The following CAPRIN2 variants were observed in gnomAD, a reference collection of about 807,000 sequenced individuals.
CAPRIN2 encodes caprin family member 2, also known as caprin-2.
Under a neutral mutation model 130.4 loss-of-function variants are expected in CAPRIN2, and 66 were observed. The observed-to-expected ratio is 0.51, with a 90% CI of 0.42 to 0.62. The LOEUF is 0.62. Ranked by LOEUF, CAPRIN2 falls within the 20% of genes least tolerant of loss-of-function variation. The probability of loss-of-function intolerance (pLI) is 0.00; values close to 1 mark genes in which losing one functional copy is unlikely to be tolerated. For missense variants in CAPRIN2, 1,185 were observed against 1,246.6 expected (o/e 0.95, Z 0.74); for synonymous variants, 471 against 444.1 (o/e 1.06, Z -0.76).
At chr12:30,725,014 G>A (rs1010151063) in intron 9 of CAPRIN2, among the ~76,000 whole-genome samples, 1 of 151,954 alleles carries the variant, frequency 6.6e-6, no homozygotes, top group African/African-American at 2.4e-5. Flanking sequence ...CAAAACAAAA[G>A]CCTACAATAC....
chr12:30,718,976 CA>C (rs2058517407), intron 12 of CAPRIN2, 102 bp downstream of exon 14: 1 of 1,354,650 alleles, frequency 7.4e-7, no homozygotes, highest in African/African-American at 1.5e-5. Context: ...ATAAATTTTA[CA>C]AAAGGCAAAC....
At chr12:30,712,861 C>T (rs1409970669) in intron 15 of CAPRIN2, among the ~76,000 whole-genome samples, 1 of 151,390 alleles carries the variant, frequency 6.6e-6, no homozygotes, top group Admixed American at 6.6e-5. Context: ...CCTGCCTCAG[C>T]CTCCTGAGTA....
chr12:30,729,130 T>C (rs772237647), exon 8 of CAPRIN2: 2 of 1,614,088 alleles, frequency 1.2e-6, no homozygotes, highest in South Asian at 2.2e-5. Flanking sequence ...ACTGCAGGCT[T>C]GGATACCTCC....
intron 4 of CAPRIN2, among the ~76,000 whole-genome samples, chr12:30,734,265 G>A (rs1715686660): frequency 1.3e-5 from 2 of 152,150 alleles, no homozygotes. Flanking sequence ...TTTCTGATCA[G>A]AGACTGATTT....
rs778719175 is a variant in CAPRIN2 at position 30,711,657 on chromosome 12, G to A, written c.2602-28C>T. 4 of 1,582,778 alleles carry A rather than the reference G, an allele frequency of 2.5e-6. No homozygotes were observed. The South Asian group carries it at 3.3e-5, about 13-fold the overall frequency. ...AAAGTGAACATATAATATTTACCTT[G>A]GCATCAAAAATGCAGGACTATAATT... On this transcript the variant is annotated intron_variant, in intron 15 of 16. Transcript: ENST00000298892.
chr12:30,725,957 G>T lies in CAPRIN2; in HGVS notation c.1905+9C>A. ...GAATATCATTTAAGATTTTGTAAATGACTCATACTTGCATAAAGTTACAAG... is the reference window on the plus strand; with the variant it reads ...GAATATCATTTAAGATTTTGTAAATTACTCATACTTGCATAAAGTTACAAG... On this transcript the variant is annotated intron_variant, in intron 9 of 16. Transcript: ENST00000298892. 1.3e-6 allele frequency: 2 copies of T among 1,552,394 alleles called. No individual in the cohort carries two copies. Among genetic ancestry groups the T allele is most frequent in the South Asian group, 2.5e-5 (2 of 80,942 alleles).
chr12:30,739,928 A>G (rs564761005), intron 3 of CAPRIN2, among the ~76,000 whole-genome samples: 1 of 152,316 alleles, frequency 6.6e-6, no homozygotes, highest in East Asian at 1.9e-4. Context: ...TGAATGAAAA[A>G]CTAAATTGTT....
In CAPRIN2 at chr12:30,734,962, G is replaced by C. The variant is rs370519059; in HGVS notation, c.809+6C>G. Reference sequence around the variant, plus strand: ...TCATTTCAGGAAAATCTTTTCATTAGCTTACCTCAGACTTTCATTTCTTTC... The same window carrying C: ...TCATTTCAGGAAAATCTTTTCATTACCTTACCTCAGACTTTCATTTCTTTC... On this transcript the variant is annotated splice_donor_region_variant and intron_variant, in intron 4 of 16. Coordinates refer to ENST00000298892, the Ensembl canonical transcript of CAPRIN2. 2.3e-5 allele frequency: 37 copies of C among 1,592,516 alleles called. No individual in the cohort carries two copies. The highest frequency in any genetic ancestry group is 2.9e-5 in the Non-Finnish European group (34 of 1,161,214).
At chr12:30,711,722 T>A (rs757367004) in intron 15 of CAPRIN2, 93 bp from the exon 18 acceptor site, 2 of 1,000,278 alleles carry the variant, frequency 2.0e-6, no homozygotes, top group South Asian at 2.6e-5. Flanking sequence ...ATAAGATTAG[T>A]CCCCTTAGTT....
intron 13 of CAPRIN2, 76 bp downstream of exon 15, chr12:30,716,432 C>T (rs930544022): frequency 1.5e-6 from 2 of 1,336,130 alleles, no homozygotes; most frequent in African/African-American, 2.9e-5. Flanking sequence ...AGTGTCACTA[C>T]AGACTTCCTA....
rs142126289 is a variant in CAPRIN2 at position 30,725,202 on chromosome 12, G to A, written c.1906-751C>T. Among the ~76,000 whole-genome samples, 1,067 of 152,146 alleles carry A rather than the reference G, an allele frequency of 7.0e-3. 7 individuals are homozygous for A. The highest frequency in any genetic ancestry group is 8.8e-3 in the Non-Finnish European group (599 of 68,002). The stretch of plus-strand genomic sequence containing the variant: ...AAACATTTTCAAGATGAGAAATCAC[G>A]CTCTTGTATCTGCCTATCTCGGTTC... On this transcript the variant is annotated intron_variant, in intron 9 of 16. Coordinates refer to ENST00000298892, the Ensembl canonical transcript of CAPRIN2.
intron 5 of CAPRIN2, 146 bp from the exon 7 acceptor site, chr12:30,731,656 C>T (rs1036471602): frequency 9.3e-6 from 6 of 642,214 alleles, no homozygotes; most frequent in Non-Finnish European, 1.6e-5. Context: ...TAGTTTACAA[C>T]AGTTTACACT....
intron 13 of CAPRIN2, chr12:30,715,343 A>C (rs1158635844): frequency 4.7e-6 from 3 of 642,336 alleles, no homozygotes; most frequent in Non-Finnish European, 8.4e-6. Flanking sequence ...CAGCCTAAAA[A>C]AGGAAGAAAA....
At chr12:30,711,740 T>C (rs1473486656) in intron 15 of CAPRIN2, 111 bp from the exon 18 acceptor site, 2 of 862,980 alleles carry the variant, frequency 2.3e-6, no homozygotes, top group South Asian at 2.8e-5. Flanking sequence ...GTTCTTTACC[T>C]GGCCTTCCCC....
intron 15 of CAPRIN2, chr12:30,711,870 A>G (rs1173378217): frequency 1.6e-6 from 1 of 644,174 alleles, no homozygotes; most frequent in African/African-American, 1.8e-5. Flanking sequence ...ATACCTGAAA[A>G]ACAACAAAGC....
intron 13 of CAPRIN2, chr12:30,716,231 T>C: frequency 3.1e-6 from 1 of 324,720 alleles, no homozygotes; most frequent in Non-Finnish European, 5.6e-6. Context: ...TCAATCACTG[T>C]CTGTGGTAAT....
intron 5 of CAPRIN2, among the ~76,000 whole-genome samples, chr12:30,733,097 A>G (rs2063301574): frequency 1.3e-5 from 2 of 152,146 alleles, no homozygotes. Flanking sequence ...ACTCTAAGCT[A>G]GTACACAAAG....
intron 14 of CAPRIN2, among the ~76,000 whole-genome samples, 179 bp from the exon 17 acceptor site, chr12:30,714,064 T>C (rs780579631): frequency 3.9e-5 from 6 of 152,208 alleles, no homozygotes; most frequent in East Asian, 1.9e-4. Flanking sequence ...TTATAGAACA[T>C]TGCTGTCTTC....
chr12:30,744,945 A>C (rs1007844472), intron 2 of CAPRIN2, among the ~76,000 whole-genome samples: 12 of 152,192 alleles, frequency 7.9e-5, no homozygotes, highest in African/African-American at 2.9e-4. Flanking sequence ...ATATACTGAG[A>C]GCTGTTTCAA....
Sources: gnomAD v4.1 joint callset for allele counts (sites outside exome capture counted in the v4.1 genomes callset) on GRCh38, gnomAD v4.1.1 for gene constraint, MANE v1.5 for transcripts, NCBI Gene and HGNC (gene_info 2026-07-23, HGNC 2026-07-21) for gene names.